The following NUP153 variants were observed in gnomAD, a reference collection of about 807,000 sequenced individuals.
NUP153 encodes nucleoporin 153.
Under a neutral mutation model 134.6 loss-of-function variants are expected in NUP153, and 27 were observed. That is an observed-to-expected ratio of 0.20 (90% CI 0.15 to 0.28). The LOEUF (loss-of-function observed/expected upper bound fraction) is 0.28. Among genes scored for constraint, NUP153 ranks in the 10% least tolerant of loss-of-function variants. The pLI, the probability that NUP153 is intolerant of heterozygous loss-of-function variation, is 1.00. For synonymous variants in NUP153, 640 were observed against 623.5 expected (o/e 1.03, Z -0.40); for missense variants, 1,821 against 1,731.3 (o/e 1.05, Z -0.92).
At chr6:17,703,134 G>A (rs1295890398) in intron 1 of NUP153, among the ~76,000 whole-genome samples, 2 of 148,480 alleles carry the variant, frequency 1.3e-5, no homozygotes, top group Non-Finnish European at 3.0e-5. Context: ...GGAGGCAAAG[G>A]TTGCAGTGAG....
chr6:17,620,095 C>CAAAAAAAAAA (rs58013807), intron 20 of NUP153, among the ~76,000 whole-genome samples: 1 of 63,002 alleles, frequency 1.6e-5, no homozygotes, highest in African/African-American at 7.8e-5. Flanking sequence ...AAGACACCAT[C>CAAAAAAAAAA]AAAAAAAAAA....
rs36027788 is a variant in NUP153 at position 17,632,846 on chromosome 6, T to TA, written c.2465-3dup. On this transcript the variant is annotated splice_polypyrimidine_tract_variant and splice_region_variant and intron_variant, in intron 16 of 21. Coordinates refer to ENST00000262077, the MANE Select transcript of NUP153 (RefSeq NM_005124.4). ...TACTTGAAGCAGGTACTGAACTTCC[T>TA]AAAAAAAAAAAAAAAAACGGGGAGT... 0.19 allele frequency: 165,447 copies of TA among 848,984 alleles called. 1,896 individuals carry two copies. The highest frequency in any genetic ancestry group is 0.26 in the African/African-American group (12,635 of 48,452). 52.6% of individuals were successfully genotyped at this position (848,984 alleles called of 1,614,324 possible). A position where few individuals can be genotyped will look rare whatever the true frequency, so the allele number is the denominator to read the frequency against.
At chr6:17,632,902 C>A (rs1428072923) in intron 16 of NUP153, 58 bp from the exon 17 acceptor site, 43 of 1,288,796 alleles carry the variant, frequency 3.3e-5, no homozygotes, top group Non-Finnish European at 4.3e-5. Context: ...TTTTAATTTA[C>A]AGTATGTCAG....
chr6:17,704,853 G>A (rs1770375323), intron 1 of NUP153, among the ~76,000 whole-genome samples: 1 of 151,698 alleles, frequency 6.6e-6, no homozygotes, highest in African/African-American at 2.4e-5. Context: ...TCCGCCTCCC[G>A]GGTTCAAGCC....
At chr6:17,698,820 C>T (rs1308463616) in intron 1 of NUP153, among the ~76,000 whole-genome samples, 13 of 150,650 alleles carry the variant, frequency 8.6e-5, no homozygotes, top group Non-Finnish European at 1.5e-5. Flanking sequence ...TTGCAGTGAG[C>T]CAAGATCGTG....
At chr6:17,696,807 T>C (rs1769676311) in intron 1 of NUP153, among the ~76,000 whole-genome samples, 1 of 151,868 alleles carries the variant, frequency 6.6e-6, no homozygotes, top group African/African-American at 2.4e-5. Flanking sequence ...GTGCAGTAGC[T>C]TACGTCTGTA....
chr6:17,627,203 G>A (rs114322474), intron 18 of NUP153, among the ~76,000 whole-genome samples: 1,544 of 152,310 alleles, frequency 0.01, 29 homozygotes, highest in African/African-American at 0.035. Context: ...GAATGGTTAA[G>A]AGTGTCTACC....
intron 21 of NUP153, 92 bp from the exon 22 acceptor site, chr6:17,616,273 G>A (rs1416294386): frequency 9.4e-6 from 5 of 533,756 alleles, no homozygotes; most frequent in Non-Finnish European, 1.7e-5. Flanking sequence ...AAGGGTAAGG[G>A]GGGTCGGGTG....
In NUP153 at chr6:17,661,696, C is replaced by T. The variant is rs145537391; in HGVS notation, c.1352G>A (p.Arg451Gln). Residue 451 changes from arginine (R) to glutamine (Q), a missense_variant, in exon 11 of 22, where the codon CGA (arginine) becomes CAA (glutamine). Physicochemically the swap from Arg to Gln is conservative, Grantham distance 43. Coordinates refer to ENST00000262077, the MANE Select transcript of NUP153 (RefSeq NM_005124.4). ...AGAAGCAACAAAGCGTGTTCTTTCT[C>T]GTCTCATCTTGCCACCTCCACCACC... ...GVGGGGGKMR[R>Q]ERTRFVASKP... 3.6e-5 allele frequency: 58 copies of T among 1,613,946 alleles called. No individual in the cohort carries two copies. Among genetic ancestry groups the T allele is most frequent in the Middle Eastern group, 1.6e-4 (1 of 6,062 alleles).
chr6:17,623,187 T>C (rs745319291), intron 20 of NUP153, among the ~76,000 whole-genome samples: 1 of 146,728 alleles, frequency 6.8e-6, no homozygotes, highest in Non-Finnish European at 1.5e-5. Context: ...GTGAAAGAAA[T>C]AGAAACTTTC....
chr6:17,651,903 G>T (rs765375234), intron 11 of NUP153: 134 of 675,304 alleles, frequency 2.0e-4, no homozygotes, highest in Non-Finnish European at 3.1e-4. Context: ...AGATCAGCTT[G>T]GGCAATACGG....
At chr6:17,668,449 A>G (rs1767685176) in intron 8 of NUP153, among the ~76,000 whole-genome samples, 1 of 152,134 alleles carries the variant, frequency 6.6e-6, no homozygotes, top group Non-Finnish European at 1.5e-5. Flanking sequence ...CTCAAGATGG[A>G]AATGCTGAAT....
intron 20 of NUP153, among the ~76,000 whole-genome samples, chr6:17,618,846 G>C (rs142075762): frequency 1.1e-4 from 16 of 152,324 alleles, no homozygotes; most frequent in African/African-American, 3.4e-4. Context: ...GATTACAGGC[G>C]TGAGCCACTG....
At chr6:17,688,658 T>A in intron 1 of NUP153, 40 bp from the exon 2 acceptor site, 2 of 1,506,272 alleles carry the variant, frequency 1.3e-6, no homozygotes, top group Non-Finnish European at 1.8e-6. Context: ...TTTTAGAAAT[T>A]TATCTTTTTA....
intron 2 of NUP153, among the ~76,000 whole-genome samples, chr6:17,685,835 T>G (rs955046162): frequency 6.6e-6 from 1 of 151,828 alleles, no homozygotes; most frequent in African/African-American, 2.4e-5. Context: ...TAGAGTATAC[T>G]CCTTCCACTT....
In NUP153 at chr6:17,628,661, T is replaced by C; in HGVS notation, c.3538A>G (p.Thr1180Ala). Residue 1180 changes from threonine (T) to alanine (A), a missense_variant, in exon 18 of 22, where the codon ACA becomes GCA. Thr to Ala is a moderately conservative substitution (Grantham distance 58). Coordinates refer to ENST00000262077, the MANE Select transcript of NUP153 (RefSeq NM_005124.4). The surrounding 1 kb of genome is among the most constrained non-coding windows in gnomAD (Gnocchi z 5.4). ...ATAAAAAGTTAATACTTACCAGCTG[T>C]AGTACTAGTTTGAGCTCCAAAGGCA... ...TFAFGAQTSTTADQGAAKPVF... is the reference protein window; with the variant it reads ...TFAFGAQTSTAADQGAAKPVF... 1.9e-6 allele frequency: 3 copies of C among 1,547,626 alleles called. No individual in the cohort carries two copies. The highest frequency in any genetic ancestry group is 2.6e-6 in the Non-Finnish European group (3 of 1,138,226).
intron 14 of NUP153, among the ~76,000 whole-genome samples, chr6:17,641,949 T>C (rs1765865352): frequency 1.3e-5 from 2 of 152,212 alleles, no homozygotes; most frequent in East Asian, 1.9e-4. Flanking sequence ...ATTCTACTTC[T>C]GAGAATCAAG....
At chr6:17,698,302 T>C (rs79019804) in intron 1 of NUP153, among the ~76,000 whole-genome samples, 144 of 152,282 alleles carry the variant, frequency 9.5e-4, no homozygotes, top group African/African-American at 3.0e-3. Flanking sequence ...TTATTGAAAC[T>C]AGATTCAGGT....
At chr6:17,654,290 C>T (rs181506389) in intron 11 of NUP153, among the ~76,000 whole-genome samples, 76 of 152,142 alleles carry the variant, frequency 5.0e-4, no homozygotes, top group Admixed American at 1.4e-3. Context: ...CACACTTGTC[C>T]ACACTGGTTC....
Sources: gnomAD v4.1 joint callset for allele counts (sites outside exome capture counted in the v4.1 genomes callset) on GRCh38, gnomAD v4.1.1 for gene constraint, Gnocchi (gnomAD v3.1) non-coding constraint, MANE v1.5 for transcripts, NCBI Gene and HGNC (gene_info 2026-07-23, HGNC 2026-07-21) for gene names.